FANCD2OS: variants seen among roughly 807,000 people sequenced by gnomAD.
The protein encoded by FANCD2OS is FANCD2 opposite strand protein.
In FANCD2OS, 11 loss-of-function variants were observed where a neutral mutation model predicts 13.2. The ratio of observed to expected loss-of-function variants is 0.83; its 90% CI spans 0.52 to 1.38. FANCD2OS has a LOEUF of 1.38. FANCD2OS is among the 40% of genes most tolerant of loss of function. The probability of loss-of-function intolerance (pLI) is 0.00; values close to 1 mark genes in which losing one functional copy is unlikely to be tolerated. For synonymous variants in FANCD2OS, 69 were observed against 84.5 expected (o/e 0.82, Z 1.01); for missense variants, 217 against 213.9 (o/e 1.01, Z -0.09).
downstream of FANCD2OS, among the ~76,000 whole-genome samples, chr3:10,102,603 T>TCAGGAGATC (rs367999601): frequency 3.3e-5 from 5 of 151,510 alleles, no homozygotes; most frequent in East Asian, 2.0e-4. Context: ...GGTGGGTGGA[T>TCAGGAGATC]CAGGAGATCC....
chr3:10,096,570 A>C lies in FANCD2OS; in HGVS notation c.*43+7628T>G, dbSNP rs1694980341. ...AAGGTCACCTAAGCCCTCGTCTCTC[A>C]GTAAGGCTACTTTTCTCTTAAGTCT... is the stretch of plus-strand genomic sequence containing the variant. On this transcript the variant is annotated intron_variant, in intron 2 of 2. Transcript: ENST00000524279. 5 of 1,118,150 alleles carry C rather than the reference A, an allele frequency of 4.5e-6. No individual in the cohort carries two copies. The African/African-American group carries it at 6.2e-5, about 14-fold the overall frequency. 69.3% of individuals were successfully genotyped at this position (1,118,150 alleles called of 1,614,324 possible). A position where few individuals can be genotyped will look rare whatever the true frequency, so the allele number is the denominator to read the frequency against.
intron 2 of FANCD2OS, among the ~76,000 whole-genome samples, chr3:10,096,131 G>A (rs1281943025): frequency 1.3e-5 from 2 of 152,180 alleles, no homozygotes; most frequent in Admixed American, 1.3e-4. Context: ...TTGGTGGTAT[G>A]TCTTCTAGGC....
chr3:10,091,620 G>A (rs542847421), intron 2 of FANCD2OS, among the ~76,000 whole-genome samples: 11 of 152,016 alleles, frequency 7.2e-5, no homozygotes, highest in African/African-American at 2.4e-4. Flanking sequence ...CCTCATGCCA[G>A]TTAGCAGGAG....
chr3:10,107,529 G>A (rs1695533702), intron 1 of FANCD2OS, among the ~76,000 whole-genome samples: 4 of 151,798 alleles, frequency 2.6e-5, no homozygotes, highest in Admixed American at 2.0e-4. Context: ...CTCGTGATCC[G>A]CCCGTCTCGG....
At position 10,084,549 on chromosome 3, in the gene FANCD2OS, C is replaced by G. The variant is rs371002110; in HGVS notation, c.*44-3018G>C. ...CTCTGGGCTCAAGTGATCCACCCGC[C>G]TCAGCCTCCCAAAGTGCTGGCATTA... On this transcript the variant is annotated intron_variant, in intron 2 of 2. Transcript: ENST00000524279. 2.9e-4 allele frequency among the ~76,000 whole-genome samples: 44 copies of G among 152,306 alleles called. No individual in the cohort carries two copies. In the East Asian group the frequency reaches 7.5e-3, roughly 26 times the overall value.
At chr3:10,085,127 C>G (rs1209512389) in intron 2 of FANCD2OS, among the ~76,000 whole-genome samples, 1 of 152,112 alleles carries the variant, frequency 6.6e-6, no homozygotes, top group Admixed American at 6.6e-5. Flanking sequence ...AGCAGTTTGA[C>G]AAAATTATTC....
chr3:10,087,148 A>T lies in FANCD2OS; in HGVS notation c.*44-5617T>A, dbSNP rs1473951328. On this transcript the variant is annotated intron_variant, in intron 2 of 2. Transcript: ENST00000524279. ...TCTCCTTACAGCCAGAGCGTCCATT[A>T]CTTGCAGAATTTCCATCAAAGCATT... 6 of 1,613,972 alleles carry T rather than the reference A, an allele frequency of 3.7e-6. No homozygotes were observed. In the East Asian group the frequency reaches 1.3e-4, roughly 36 times the overall value.
At chr3:10,101,134 G>A, downstream of FANCD2OS, 6 of 1,342,094 alleles carry the variant, frequency 4.5e-6, no homozygotes, top group Middle Eastern at 1.8e-4. Flanking sequence ...GTATTCCAGA[G>A]GTCACCCAGA....
downstream of FANCD2OS, chr3:10,101,258 A>C (rs141156896): frequency 7.0e-5 from 113 of 1,606,636 alleles, no homozygotes; most frequent in Non-Finnish European, 9.6e-5. Context: ...GATGACTCTG[A>C]TTAGACCCCA....
chr3:10,081,512 A>G, exon 3 of FANCD2OS: 1 of 1,257,982 alleles, frequency 7.9e-7, no homozygotes, highest in Non-Finnish European at 1.2e-6. Context: ...ACTTGCTTTT[A>G]TTTGACAGTC....
chr3:10,097,296 T>G (rs931230541), intron 2 of FANCD2OS, among the ~76,000 whole-genome samples: 1 of 152,110 alleles, frequency 6.6e-6, no homozygotes, highest in African/African-American at 2.4e-5. Flanking sequence ...TGACCAAAAT[T>G]TATTAGGCGG....
chr3:10,089,216 C>T (rs918476788), intron 2 of FANCD2OS, among the ~76,000 whole-genome samples: 3 of 151,744 alleles, frequency 2.0e-5, no homozygotes, highest in African/African-American at 4.8e-5. Context: ...ACCTGGGAGG[C>T]GGAGGTTGCA....
intron 2 of FANCD2OS, chr3:10,094,782 T>C (rs1194374321): frequency 2.2e-5 from 7 of 312,270 alleles, no homozygotes; most frequent in Non-Finnish European, 3.7e-5. Context: ...TTTTAGCCAA[T>C]GGCATCCAGG....
intron 2 of FANCD2OS, chr3:10,090,391 T>A: frequency 1.3e-6 from 2 of 1,587,522 alleles, no homozygotes; most frequent in Non-Finnish European, 1.7e-6. Context: ...AGCAGGTGAG[T>A]AAGATAATAG....
intron 1 of FANCD2OS, among the ~76,000 whole-genome samples, chr3:10,105,820 A>T (rs1441560844): frequency 6.3e-4 from 46 of 72,476 alleles, no homozygotes; most frequent in East Asian, 1.9e-3. Context: ...ATATATATAT[A>T]TTTTGAGGTT....
At chr3:10,095,396 C>A in intron 2 of FANCD2OS, 1 of 815,632 alleles carries the variant, frequency 1.2e-6, no homozygotes, top group Non-Finnish European at 2.1e-6. Flanking sequence ...TGTCCAAAGG[C>A]AGTTTATTCA....
chr3:10,086,150 ACT>A (rs1272119770), intron 2 of FANCD2OS, among the ~76,000 whole-genome samples: 2 of 152,172 alleles, frequency 1.3e-5, no homozygotes, highest in African/African-American at 2.4e-5. Flanking sequence ...CAGCCCATAA[ACT>A]CAGCCTTTTC....
At chr3:10,095,279 G>A (rs370391996) in intron 2 of FANCD2OS, 1 of 1,613,642 alleles carries the variant, frequency 6.2e-7, no homozygotes, top group Non-Finnish European at 8.5e-7. Flanking sequence ...TCCAAGGTAA[G>A]AAGGGGAGCA....
intron 2 of FANCD2OS, chr3:10,096,409 G>A (rs1397268966): frequency 1.2e-6 from 2 of 1,613,954 alleles, no homozygotes; most frequent in Non-Finnish European, 1.7e-6. Flanking sequence ...TCAAAGCTAT[G>A]CTCACTCTCA....
Sources: gnomAD v4.1 joint callset for allele counts (sites outside exome capture counted in the v4.1 genomes callset) on GRCh38, gnomAD v4.1.1 for gene constraint, MANE v1.5 for transcripts, NCBI Gene and HGNC (gene_info 2026-07-23, HGNC 2026-07-21) for gene names.